Variants in PHKA1 observed in about 807,000 individuals in gnomAD.
PHKA1 encodes phosphorylase b kinase regulatory subunit alpha, skeletal muscle isoform.
A neutral mutation model predicts 110.2 loss-of-function variants in PHKA1; 60 were observed. That is an observed-to-expected ratio of 0.54 (90% CI 0.44 to 0.68). The LOEUF (loss-of-function observed/expected upper bound fraction) is 0.68, where lower values mean the gene tolerates loss of function less well. Among genes scored for constraint, PHKA1 ranks in the 30% least tolerant of loss-of-function variants. The pLI is 0.00. For synonymous variants in PHKA1, 316 were observed against 333.6 expected, an observed-to-expected ratio of 0.95 and a Z score of 0.58; for missense variants, 801 against 942.5, an observed-to-expected ratio of 0.85 and a Z score of 1.97.
intron 29 of PHKA1, among the ~76,000 whole-genome samples, chrX:72,591,022 G>A (rs1003159757): frequency 1.8e-5 from 2 of 111,793 alleles, no homozygotes; most frequent in Admixed American, 1.9e-4. Flanking sequence ...CAAGGATCTA[G>A]AACTAGAAAT....
At chrX:72,703,810 G>C (rs2054239927) in intron 3 of PHKA1, among the ~76,000 whole-genome samples, 2 of 112,040 alleles carry the variant, frequency 1.8e-5, no homozygotes, top group Non-Finnish European at 3.8e-5. Flanking sequence ...ATAGACTTCT[G>C]TGCCTGTAGG....
chrX:72,669,950 C>T (rs376340293), intron 6 of PHKA1, among the ~76,000 whole-genome samples: 5 of 110,836 alleles, frequency 4.5e-5, no homozygotes, highest in South Asian at 3.9e-4. Flanking sequence ...CCTGAGGAAT[C>T]GCCACACTGA....
chrX:72,694,451 T>C (rs1332825841), intron 4 of PHKA1, among the ~76,000 whole-genome samples: 1 of 112,118 alleles, frequency 8.9e-6, no homozygotes, highest in African/African-American at 3.2e-5. Context: ...CCCAACCTTC[T>C]AGTTTCACAG....
At chrX:72,705,139 G>T in intron 3 of PHKA1, 59 bp downstream of exon 3, 1 of 846,085 alleles carries the variant, frequency 1.2e-6, no homozygotes, top group Non-Finnish European at 1.8e-6. Flanking sequence ...TTCCCTAAAG[G>T]GTAGAGATAC....
At chrX:72,609,760 A>G in intron 22 of PHKA1, 57 bp from the exon 23 acceptor site, 2 of 874,709 alleles carry the variant, frequency 2.3e-6, no homozygotes, top group Non-Finnish European at 3.4e-6. Flanking sequence ...TTCCACAAAC[A>G]TTTCTCTTTT....
intron 23 of PHKA1, among the ~76,000 whole-genome samples, chrX:72,608,575 T>C (rs1352800232): frequency 9.0e-6 from 1 of 111,295 alleles, no homozygotes; most frequent in Non-Finnish European, 1.9e-5. Flanking sequence ...CCCGCGGTGG[T>C]GAAGCTTGCT....
At chrX:72,629,708 A>G (rs1346696436) in intron 16 of PHKA1, among the ~76,000 whole-genome samples, 1 of 110,412 alleles carries the variant, frequency 9.1e-6, no homozygotes, top group Non-Finnish European at 1.9e-5. Context: ...TCATTTGTCT[A>G]TTTTCTTCTT....
intron 23 of PHKA1, among the ~76,000 whole-genome samples, chrX:72,606,575 T>C (rs781837120): frequency 1.8e-5 from 2 of 111,317 alleles, no homozygotes; most frequent in African/African-American, 3.3e-5. Flanking sequence ...TTTTTTTAAT[T>C]TTTAATTTTT....
At chrX:72,585,172 T>G (rs1017535512) in intron 29 of PHKA1, among the ~76,000 whole-genome samples, 4 of 111,214 alleles carry the variant, frequency 3.6e-5, no homozygotes, top group African/African-American at 1.3e-4. Context: ...TTTTAGATAC[T>G]TCATTTTGTG....
intron 3 of PHKA1, among the ~76,000 whole-genome samples, chrX:72,701,427 G>A (rs1556329517): frequency 8.9e-6 from 1 of 112,285 alleles, no homozygotes; most frequent in African/African-American, 3.2e-5. Context: ...CTTTCAAGAA[G>A]TCTTAACTAA....
chrX:72,637,512 C>T (rs913440779), intron 14 of PHKA1, among the ~76,000 whole-genome samples: 4 of 111,853 alleles, frequency 3.6e-5, no homozygotes, highest in Middle Eastern at 4.2e-3. Context: ...CAATGCTGCA[C>T]ATTGATGTAG....
rs1303078781 is a variant in PHKA1, at chrX:72,714,137, C to G, written c.-257G>C. ...CGGTCTAGAGCCCCGCCGCAGCGCC[C>G]CAGGCGCCGCTCCTGCCCCCTTAGT... On this transcript the variant is annotated 5_prime_UTR_variant, in exon 1 of 32. Coordinates refer to ENST00000373542, the MANE Select transcript of PHKA1 (RefSeq NM_002637.4). 3.0e-5 allele frequency: 12 copies of G among 396,468 alleles called. No individual in the cohort carries two copies. In the East Asian group the frequency reaches 3.5e-4, roughly 11 times the overall value. 32.7% of individuals were successfully genotyped at this position (396,468 alleles called of 1,213,427 possible).
At position 72,711,548 on chromosome X, in the gene PHKA1, T is replaced by C. The variant is rs1315568330; in HGVS notation, c.237+1231A>G. On this transcript the variant is annotated intron_variant, in intron 2 of 31. Coordinates refer to ENST00000373542, the MANE Select transcript of PHKA1 (RefSeq NM_002637.4). ...TCACAAGGTCAGGAGATTGAGACCA[T>C]CCTGGCTAACATGGTGAAACCCCGT... 5.4e-5 allele frequency among the ~76,000 whole-genome samples: 6 copies of C among 111,204 alleles called. No homozygotes were observed. In the Admixed American group the frequency reaches 5.7e-4, roughly 11 times the overall value.
Position 72,584,242 on chromosome X carries a change from C to T in PHKA1, c.3297+7G>A, listed in dbSNP as rs971886190. ...GTCACATAAATGTGCAAGAAAGAGA[C>T]TCTTACCTCTCTAGTGGTAGAGGAA... On this transcript the variant is annotated splice_region_variant and intron_variant, in intron 30 of 31. Coordinates refer to ENST00000373542, the MANE Select transcript of PHKA1 (RefSeq NM_002637.4). 32 of 1,190,480 alleles carry T rather than the reference C, an allele frequency of 2.7e-5. No individual in the cohort carries two copies. Among genetic ancestry groups the T allele is most frequent in the Non-Finnish European group, 3.5e-5 (31 of 876,297 alleles).
chrX:72,705,401 C>T (rs1333172258), intron 2 of PHKA1, among the ~76,000 whole-genome samples, 156 bp from the exon 3 acceptor site: 2 of 112,141 alleles, frequency 1.8e-5, no homozygotes, highest in Non-Finnish European at 3.8e-5. Flanking sequence ...CACAGAAGAG[C>T]AGATTACAGC....
chrX:72,675,646 C>G (rs2053770779), intron 6 of PHKA1, among the ~76,000 whole-genome samples: 1 of 110,423 alleles, frequency 9.1e-6, no homozygotes, highest in Non-Finnish European at 1.9e-5. Flanking sequence ...AGTAATGCTG[C>G]TGCTGCTAAT....
chrX:72,594,297 T>C (rs1444604762), intron 28 of PHKA1, among the ~76,000 whole-genome samples: 1 of 107,829 alleles, frequency 9.3e-6, no homozygotes, highest in Non-Finnish European at 1.9e-5. Flanking sequence ...AAGGAAATAA[T>C]AAGGATTAGA....
At chrX:72,654,445 C>T (rs2053466366) in intron 10 of PHKA1, among the ~76,000 whole-genome samples, 2 of 111,386 alleles carry the variant, frequency 1.8e-5, no homozygotes, top group Admixed American at 9.6e-5. Flanking sequence ...AAAAAATTTT[C>T]CTCTCTGTTT....
At chrX:72,686,835 C>G (rs916611173) in intron 4 of PHKA1, among the ~76,000 whole-genome samples, 2 of 111,781 alleles carry the variant, frequency 1.8e-5, no homozygotes, top group South Asian at 3.7e-4. Flanking sequence ...TCAGAGTAAG[C>G]TGCAGATATC....
Sources: gnomAD v4.1 joint callset for allele counts (sites outside exome capture counted in the v4.1 genomes callset) on GRCh38, gnomAD v4.1.1 for gene constraint, MANE v1.5 for transcripts, NCBI Gene and HGNC (gene_info 2026-07-23, HGNC 2026-07-21) for gene names.